Variants in FRMD4A observed in about 807,000 individuals in gnomAD.
The protein encoded by FRMD4A is FERM domain-containing protein 4A.
Under a neutral mutation model 129.1 loss-of-function variants are expected in FRMD4A, and 29 were observed. That is an observed-to-expected ratio of 0.22 (90% CI 0.17 to 0.31). The LOEUF is 0.31. Among genes scored for constraint, FRMD4A ranks in the 10% least tolerant of loss-of-function variants. The pLI is 1.00. For synonymous variants in FRMD4A, 634 were observed against 571.6 expected (o/e 1.11, Z -1.56); for missense variants, 1,272 against 1,375.8 (o/e 0.92, Z 1.19).
chr10:13,940,590 T>C (rs1413483192), intron 2 of FRMD4A, among the ~76,000 whole-genome samples: 3 of 152,200 alleles, frequency 2.0e-5, no homozygotes, highest in Admixed American at 6.5e-5. Flanking sequence ...CTCCGTGCTA[T>C]GAGCCTGCAA....
chr10:14,280,215 C>T (rs111444952), intron 2 of FRMD4A, among the ~76,000 whole-genome samples: 90 of 152,296 alleles, frequency 5.9e-4, no homozygotes, highest in Admixed American at 9.8e-4. Flanking sequence ...AGCAGCCCCT[C>T]GCCCTGGAAC....
chr10:14,141,165 A>G (rs988628502), intron 2 of FRMD4A, among the ~76,000 whole-genome samples: 5 of 152,108 alleles, frequency 3.3e-5, no homozygotes, highest in Admixed American at 3.3e-4. Flanking sequence ...TTTATCGGGT[A>G]CCTGTAGCCT....
chr10:13,690,765 T>C (rs911792980), intron 15 of FRMD4A, among the ~76,000 whole-genome samples: 1 of 152,214 alleles, frequency 6.6e-6, no homozygotes, highest in African/African-American at 2.4e-5. Context: ...TACTAACTCC[T>C]AATCACCTCA....
chr10:14,317,182 A>G (rs1349397130), intron 2 of FRMD4A, among the ~76,000 whole-genome samples: 1 of 152,170 alleles, frequency 6.6e-6, no homozygotes, highest in African/African-American at 2.4e-5. Context: ...CTATTTGTAG[A>G]CTTCAAGATA....
intron 2 of FRMD4A, among the ~76,000 whole-genome samples, chr10:13,982,540 G>A (rs2095566068): frequency 6.6e-6 from 1 of 151,152 alleles, no homozygotes; most frequent in South Asian, 2.1e-4. Flanking sequence ...TTGACTGTAG[G>A]TCATAAGACC....
chr10:13,712,247 C>G (rs191040467), intron 12 of FRMD4A, among the ~76,000 whole-genome samples: 1 of 152,232 alleles, frequency 6.6e-6, no homozygotes, highest in African/African-American at 2.4e-5. Flanking sequence ...CTGGGCCAGG[C>G]ATGGTAGCTC....
intron 23 of FRMD4A, chr10:13,652,288 T>A (rs574543540): frequency 5.9e-4 from 236 of 399,690 alleles, no homozygotes; most frequent in Non-Finnish European, 9.8e-4. Context: ...TCACTAGTTG[T>A]AGGTGGTGAA....
At chr10:13,955,690 A>C (rs936644588) in intron 2 of FRMD4A, among the ~76,000 whole-genome samples, 1 of 152,232 alleles carries the variant, frequency 6.6e-6, no homozygotes, top group Non-Finnish European at 1.5e-5. Context: ...TTATTTGCCA[A>C]CGTGGAGCCA....
chr10:14,103,402 C>A (rs1837412483), intron 2 of FRMD4A, among the ~76,000 whole-genome samples: 1 of 152,236 alleles, frequency 6.6e-6, no homozygotes, highest in East Asian at 1.9e-4. Context: ...AGATGTGATG[C>A]CTGGATCTCA....
chr10:14,328,626 ATGTGTG>A lies in FRMD4A; in HGVS notation c.45+1426_45+1431del, dbSNP rs58681647. 1.7e-3 allele frequency among the ~76,000 whole-genome samples: 236 copies of A among 142,548 alleles called. 2 individuals are homozygous for A. Among genetic ancestry groups the A allele is most frequent in the African/African-American group, 3.0e-3 (117 of 38,634 alleles). The allele number at this position is 142,548 out of a possible 152,430, so 93.5% of individuals were successfully genotyped here. ...ACTAGATAATATAATATACATATGCATGTGTGTGTGTGTGTGTGTGTGTGTGTGTGT... is the reference window on the plus strand; with the variant it reads ...ACTAGATAATATAATATACATATGCATGTGTGTGTGTGTGTGTGTGTGTGT... On this transcript the variant is annotated intron_variant, in intron 2 of 24. Coordinates refer to ENST00000357447, the MANE Select transcript of FRMD4A (RefSeq NM_018027.5).
At chr10:13,683,239 C>G (rs1054897620) in intron 15 of FRMD4A, among the ~76,000 whole-genome samples, 6 of 152,088 alleles carry the variant, frequency 3.9e-5, no homozygotes, top group African/African-American at 1.2e-4. Flanking sequence ...ACACGAACAG[C>G]AGACATGCAT....
chr10:13,882,723 C>G (rs186616090), intron 2 of FRMD4A, among the ~76,000 whole-genome samples: 40 of 152,310 alleles, frequency 2.6e-4, no homozygotes, highest in African/African-American at 9.4e-4. Context: ...TTCCTCCACC[C>G]CATCTTTCCT....
chr10:13,933,498 G>C (rs1351941974), intron 2 of FRMD4A, among the ~76,000 whole-genome samples: 8 of 152,072 alleles, frequency 5.3e-5, no homozygotes, highest in Admixed American at 5.2e-4. Context: ...GTTTGTTCAA[G>C]ATGCCAAGAA....
chr10:13,876,050 T>C (rs1294429338), intron 2 of FRMD4A, among the ~76,000 whole-genome samples: 1 of 152,186 alleles, frequency 6.6e-6, no homozygotes, highest in Admixed American at 6.5e-5. Flanking sequence ...GCATCATTGC[T>C]CAAAATGGAA....
intron 2 of FRMD4A, among the ~76,000 whole-genome samples, chr10:14,295,965 C>T (rs953769308): frequency 1.3e-5 from 2 of 152,122 alleles, no homozygotes; most frequent in African/African-American, 2.4e-5. Flanking sequence ...TTATGACTCT[C>T]TTTGCCTAGG....
At chr10:13,672,044 ACTG>A (rs2083551060) in intron 16 of FRMD4A, among the ~76,000 whole-genome samples, 1 of 152,230 alleles carries the variant, frequency 6.6e-6, no homozygotes, top group South Asian at 2.1e-4. Flanking sequence ...TTCTTCTCCA[ACTG>A]CTGTGTGCAC....
chr10:13,900,883 C>T (rs1209117831), intron 2 of FRMD4A, among the ~76,000 whole-genome samples: 7 of 151,972 alleles, frequency 4.6e-5, no homozygotes, highest in Non-Finnish European at 1.0e-4. Flanking sequence ...GGCGACAGAG[C>T]GAGATTCCGT....
At chr10:14,069,055 C>G (rs1835196032) in intron 2 of FRMD4A, among the ~76,000 whole-genome samples, 1 of 152,086 alleles carries the variant, frequency 6.6e-6, no homozygotes, top group Admixed American at 6.6e-5. Context: ...CCCCCAATAC[C>G]AGCTTCTGCC....
At position 13,737,878 on chromosome 10, in the gene FRMD4A, T is replaced by C; in HGVS notation, c.725A>G (p.Gln242Arg). Residue 242 changes from glutamine to arginine, a missense_variant, in exon 12 of 25, where the codon CAG becomes CGG. Transcript: ENST00000357447. ...CTTCACTTTATCATGGTAGTCATACTGGAAGATCCCTTTGTAGCTCAGGCC... is the reference window on the plus strand; with the variant it reads ...CTTCACTTTATCATGGTAGTCATACCGGAAGATCCCTTTGTAGCTCAGGCC... The part of the protein sequence containing the change: ...WLGLSYKGIF[Q>R]YDYHDKVKPR... The C allele has an allele frequency of 6.2e-7, 1 of 1,607,680 alleles. No individual in the cohort carries two copies. Among genetic ancestry groups the C allele is most frequent in the East Asian group, 2.2e-5 (1 of 44,812 alleles).
Sources: allele counts gnomAD v4.1 joint callset (sites outside exome capture counted in the v4.1 genomes callset), GRCh38; gene constraint gnomAD v4.1.1; transcripts MANE v1.5; gene names NCBI Gene and HGNC (gene_info 2026-07-23, HGNC 2026-07-21).